MGAT4C: variants seen among roughly 807,000 people sequenced by gnomAD.
The protein encoded by MGAT4C is MGAT4 family member C.
MGAT4C carries 19 observed loss-of-function variants against 40.1 expected under a neutral mutation model. The observed-to-expected ratio is 0.47, with a 90% CI of 0.33 to 0.70. MGAT4C has a LOEUF of 0.70. MGAT4C is among the 30% of genes least tolerant of loss of function. The pLI is 0.02. For synonymous variants in MGAT4C, 181 were observed against 187.1 expected, an observed-to-expected ratio of 0.97 and a Z score of 0.27; for missense variants, 491 against 563.2, an observed-to-expected ratio of 0.87 and a Z score of 1.30.
chr12:86,182,716 A>T (rs918038725), intron 1 of MGAT4C, among the ~76,000 whole-genome samples: 8 of 152,152 alleles, frequency 5.3e-5, no homozygotes, highest in African/African-American at 1.9e-4. Flanking sequence ...GCTTAGATTG[A>T]CATAAAGCAG....
At chr12:86,163,108 A>G (rs1390083410) in intron 1 of MGAT4C, among the ~76,000 whole-genome samples, 1 of 152,156 alleles carries the variant, frequency 6.6e-6, no homozygotes, top group Non-Finnish European at 1.5e-5. Context: ...AAATCGCTAC[A>G]GTCAGTACCT....
chr12:86,570,488 G>A (rs1428939170), intron 2 of MGAT4C, among the ~76,000 whole-genome samples: 2 of 151,968 alleles, frequency 1.3e-5, no homozygotes, highest in African/African-American at 4.8e-5. Context: ...ACAAAAATCA[G>A]CTCAAAATGA....
At chr12:86,675,996 A>C (rs995672639) in intron 2 of MGAT4C, among the ~76,000 whole-genome samples, 5 of 152,110 alleles carry the variant, frequency 3.3e-5, no homozygotes, top group Non-Finnish European at 7.4e-5. Flanking sequence ...ATTCATTTCA[A>C]TGAAGTTTAT....
intron 1 of MGAT4C, among the ~76,000 whole-genome samples, chr12:86,231,283 ACTTATC>A (rs1246619061): frequency 6.6e-6 from 1 of 152,196 alleles, no homozygotes; most frequent in African/African-American, 2.4e-5. Flanking sequence ...AAAAGAGATA[ACTTATC>A]CTTAGGCAAG....
intron 3 of MGAT4C, among the ~76,000 whole-genome samples, chr12:86,352,031 TAAG>T (rs1955173730): frequency 1.3e-5 from 2 of 152,032 alleles, no homozygotes; most frequent in South Asian, 4.1e-4. Flanking sequence ...TGCAGATAAA[TAAG>T]AAGTGAATTT....
chr12:86,353,034 AAT>A (rs930569289), intron 3 of MGAT4C, among the ~76,000 whole-genome samples: 7 of 125,188 alleles, frequency 5.6e-5, no homozygotes, highest in African/African-American at 1.8e-4. Flanking sequence ...AAAATAAAAA[AAT>A]AAATAAATAA....
In MGAT4C at chr12:86,052,968, G is replaced by A. The variant is rs116437745; in HGVS notation, c.-56-3245C>T. Among the ~76,000 whole-genome samples, 1,169 of 152,018 alleles carry A rather than the reference G, an allele frequency of 7.7e-3. 15 individuals are homozygous for A. The highest frequency in any genetic ancestry group is 0.026 in the African/African-American group (1,089 of 41,500). On this transcript the variant is annotated intron_variant, in intron 1 of 4. Coordinates refer to ENST00000611864, the MANE Select transcript of MGAT4C (RefSeq NM_001351288.2). The stretch of plus-strand genomic sequence containing the variant: ...TGGTGAAATGCAAACGGCAGCAAAG[G>A]TACTAGGAGGCAAAGTGTTCACTTT...
chr12:86,204,276 C>T (rs1325080454), intron 1 of MGAT4C, among the ~76,000 whole-genome samples: 1 of 151,606 alleles, frequency 6.6e-6, no homozygotes, highest in East Asian at 1.9e-4. Context: ...AAAAGAACAA[C>T]AAAAGGTTAT....
chr12:85,980,189 G>A lies in MGAT4C; in HGVS notation c.537C>T (p.Tyr179=). ...LMVIHAPEEY[Y]PILDGLKRNY... is the part of the protein sequence containing the mutation. ...TTCTTTTAAGGCCATCTAGGATTGGGTAATACTCCTCTGGAGCATGTATAA... is the reference window on the plus strand; with the variant it reads ...TTCTTTTAAGGCCATCTAGGATTGGATAATACTCCTCTGGAGCATGTATAA... Residue 179 remains tyrosine (Y), a synonymous_variant, in exon 5 of 5, where the codon TAC becomes TAT. Transcript: ENST00000611864. 1.2e-6 allele frequency: 2 copies of A among 1,613,810 alleles called. No homozygotes were observed. Among genetic ancestry groups the A allele is most frequent in the African/African-American group, 1.3e-5 (1 of 74,982 alleles).
rs903158908 is a variant in MGAT4C, at chr12:85,976,897, G to C, written c.*2392C>G. ...TCAGATTTTCTTTTGAAAGAGAATA[G>C]TTATTTTTCCTCCTGACCTCTAATG... is the stretch of plus-strand genomic sequence containing the variant. On this transcript the variant is annotated 3_prime_UTR_variant, in exon 5 of 5. Coordinates refer to ENST00000611864, the MANE Select transcript of MGAT4C (RefSeq NM_001351288.2). 6.6e-6 allele frequency: 1 copy of C among 150,824 alleles called. No homozygotes were observed. The highest frequency in any genetic ancestry group is 2.4e-5 in the African/African-American group (1 of 41,274). The allele number at this position is 150,824 out of a possible 1,614,324, so 9.3% of individuals were successfully genotyped here. A position where few individuals can be genotyped will look rare whatever the true frequency, so the allele number is the denominator to read the frequency against.
At chr12:86,639,024 T>C (rs1456034408) in intron 2 of MGAT4C, among the ~76,000 whole-genome samples, 2 of 151,820 alleles carry the variant, frequency 1.3e-5, no homozygotes, top group East Asian at 1.9e-4. Flanking sequence ...TTTGCAGATA[T>C]AAATATTATC....
chr12:86,319,357 A>G (rs2136159661), intron 4 of MGAT4C, among the ~76,000 whole-genome samples: 1 of 152,258 alleles, frequency 6.6e-6, no homozygotes, highest in South Asian at 2.1e-4. Flanking sequence ...TACCCCACAT[A>G]CATGCATAAG....
chr12:86,704,569 AAAG>A (rs538824044), intron 2 of MGAT4C, among the ~76,000 whole-genome samples: 1 of 152,104 alleles, frequency 6.6e-6, no homozygotes, highest in Non-Finnish European at 1.5e-5. Flanking sequence ...TATGAGGGAG[AAAG>A]AAGGACAAAA....
chr12:86,648,482 C>T lies in MGAT4C; in HGVS notation c.-229+78727G>A, dbSNP rs368590507. Among the ~76,000 whole-genome samples the T allele has an allele frequency of 5.9e-5, 9 of 151,824 alleles. No homozygotes were observed. In the East Asian group the frequency reaches 7.8e-4, roughly 13 times the overall value. On this transcript the variant is annotated intron_variant, in intron 2 of 7. Transcript: ENST00000548651. ...TGGGGCTTTCATGGTGAAATTAATA[C>T]CCTTGTGAAAAAGAGGAGGAGTCAC...
intron 2 of MGAT4C, among the ~76,000 whole-genome samples, chr12:85,995,310 A>G (rs2008934720): frequency 6.6e-6 from 1 of 152,178 alleles, no homozygotes; most frequent in Non-Finnish European, 1.5e-5. Context: ...CTAGAATTTG[A>G]GTGGCAGAAT....
intron 1 of MGAT4C, among the ~76,000 whole-genome samples, chr12:86,099,495 C>G (rs1352034979): frequency 6.6e-6 from 1 of 151,040 alleles, no homozygotes; most frequent in African/African-American, 2.4e-5. Flanking sequence ...AGAACTTAAA[C>G]AAATTTACAA....
chr12:86,672,219 A>G (rs1964272977), intron 2 of MGAT4C, among the ~76,000 whole-genome samples: 1 of 152,098 alleles, frequency 6.6e-6, no homozygotes, highest in African/African-American at 2.4e-5. Context: ...AAGAAAATTG[A>G]GAACATTTTG....
chr12:86,562,129 AGAAAAT>A (rs1284784401), intron 2 of MGAT4C, among the ~76,000 whole-genome samples: 1 of 152,222 alleles, frequency 6.6e-6, no homozygotes, highest in Non-Finnish European at 1.5e-5. Context: ...AAGTGATGAA[AGAAAAT>A]GAAATTCTCA....
intron 3 of MGAT4C, among the ~76,000 whole-genome samples, chr12:86,415,454 C>G (rs1956689907): frequency 6.6e-6 from 1 of 151,894 alleles, no homozygotes; most frequent in South Asian, 2.1e-4. Flanking sequence ...TATGAATACA[C>G]AGGAGTATCA....
Sources: gnomAD v4.1 joint callset for allele counts (sites outside exome capture counted in the v4.1 genomes callset) on GRCh38, gnomAD v4.1.1 for gene constraint, MANE v1.5 for transcripts, NCBI Gene and HGNC (gene_info 2026-07-23, HGNC 2026-07-21) for gene names.